The following MVB12B variants were observed in gnomAD, a reference collection of about 807,000 sequenced individuals.
MVB12B encodes the protein multivesicular body subunit 12B, also known as ESCRT-I complex subunit MVB12B.
MVB12B carries 16 observed loss-of-function variants against 41.6 expected under a neutral mutation model. That is an observed-to-expected ratio of 0.38 (90% CI 0.26 to 0.58). The LOEUF (loss-of-function observed/expected upper bound fraction) is 0.58, where lower values mean the gene tolerates loss of function less well. Ranked by LOEUF, MVB12B falls within the 20% of genes least tolerant of loss-of-function variation. MVB12B has a pLI of 0.62. For missense variants in MVB12B, 274 were observed against 380.2 expected, an observed-to-expected ratio of 0.72 and a Z score of 2.32; for synonymous variants, 133 against 139.7, an observed-to-expected ratio of 0.95 and a Z score of 0.34.
chr9:126,355,264 G>A (rs1427147420), intron 2 of MVB12B, among the ~76,000 whole-genome samples: 1 of 152,202 alleles, frequency 6.6e-6, no homozygotes, highest in Non-Finnish European at 1.5e-5. Flanking sequence ...CCAGACTCCA[G>A]CTAGCAGGTG....
chr9:126,465,849 A>G (rs1422623205), intron 7 of MVB12B, among the ~76,000 whole-genome samples: 2 of 152,160 alleles, frequency 1.3e-5, no homozygotes, highest in Non-Finnish European at 1.5e-5. Flanking sequence ...AATCAGCCCC[A>G]TTTCCAGAGG....
chr9:126,332,357 A>T (rs1051168292), intron 1 of MVB12B, among the ~76,000 whole-genome samples: 1 of 152,122 alleles, frequency 6.6e-6, no homozygotes, highest in African/African-American at 2.4e-5. Context: ...TGCACTCTCC[A>T]GTCTCAGTCC....
chr9:126,400,631 T>C (rs1831241904), intron 6 of MVB12B, among the ~76,000 whole-genome samples: 1 of 152,158 alleles, frequency 6.6e-6, no homozygotes, highest in South Asian at 2.1e-4. Context: ...CACAGAGCAG[T>C]GGGCCTTGGT....
At chr9:126,442,827 A>G (rs953746748) in intron 7 of MVB12B, among the ~76,000 whole-genome samples, 3 of 152,178 alleles carry the variant, frequency 2.0e-5, no homozygotes, top group South Asian at 2.1e-4. Context: ...TCTTCCCCCA[A>G]TGTGCCTTTC....
At chr9:126,396,774 GAATTGCCTGA>G in intron 6 of MVB12B, 1 of 985,444 alleles carries the variant, frequency 1.0e-6, no homozygotes, top group Non-Finnish European at 1.2e-6. Context: ...ACTACCCCTG[GAATTGCCTGA>G]AACTTTAGAA....
intron 7 of MVB12B, among the ~76,000 whole-genome samples, chr9:126,427,207 A>G (rs1213250733): frequency 6.0e-5 from 9 of 149,690 alleles, no homozygotes; most frequent in East Asian, 3.9e-4. Context: ...CAGCTTATAC[A>G]TATATATATA....
intron 9 of MVB12B, among the ~76,000 whole-genome samples, chr9:126,498,316 C>G (rs1833880542): frequency 6.6e-6 from 1 of 152,174 alleles, no homozygotes; most frequent in African/African-American, 2.4e-5. Flanking sequence ...AGAATCTCCC[C>G]CACCTCTCCC....
intron 7 of MVB12B, among the ~76,000 whole-genome samples, chr9:126,439,006 C>T (rs545147335): frequency 5.9e-5 from 9 of 152,134 alleles, no homozygotes; most frequent in Admixed American, 3.3e-4. Flanking sequence ...CTTGAGAACA[C>T]GTCCTTGTTT....
Position 126,503,319 on chromosome 9 carries a change from GGCTGCTGCCCCCGCCTCCTCCT to G in MVB12B, c.*59_*80del. ...CGCCGCCCAGACTACTGACGGCAGG[GGCTGCTGCCCCCGCCTCCTCCT>G]GCCGCCTCCGCCAGCCCTCCCTCCC... On this transcript the variant is annotated 3_prime_UTR_variant, in exon 10 of 10. Coordinates refer to ENST00000361171, the MANE Select transcript of MVB12B (RefSeq NM_033446.3). The G allele has an allele frequency of 7.0e-7, 1 of 1,433,032 alleles. No homozygotes were observed. Among genetic ancestry groups the G allele is most frequent in the Non-Finnish European group, 9.6e-7 (1 of 1,045,500 alleles). The allele number at this position is 1,433,032 out of a possible 1,614,324, so 88.8% of individuals were successfully genotyped here. A position where few individuals can be genotyped will look rare whatever the true frequency, so the allele number is the denominator to read the frequency against.
chr9:126,501,211 C>T (rs989725862), intron 9 of MVB12B, among the ~76,000 whole-genome samples: 5 of 152,230 alleles, frequency 3.3e-5, no homozygotes, highest in African/African-American at 1.2e-4. Flanking sequence ...ATGGTGGGTT[C>T]TCTGGAGCAA....
rs774438553 is a variant in MVB12B at position 126,421,889 on chromosome 9, G to T, written c.698G>T (p.Gly233Val). The part of the protein sequence containing the change: ...ISLTLPATFR[G>V]RNSTRTDYEY... ...CTAACACTTCCTGCCACCTTCCGAG[G>T]CAGGAACAGCACCCGGACGGACTAC... The change falls in exon 7 of 10, where the codon GGC (glycine) becomes GTC (valine). Residue 233 changes from glycine (G) to valine (V), a missense_variant. Gly to Val is a moderately radical substitution (Grantham distance 109). Transcript: ENST00000361171. 8.7e-6 allele frequency: 14 copies of T among 1,613,978 alleles called. No homozygotes were observed. The highest frequency in any genetic ancestry group is 1.3e-5 in the African/African-American group (1 of 74,984).
At chr9:126,457,806 C>G (rs1833013256) in intron 7 of MVB12B, among the ~76,000 whole-genome samples, 1 of 152,282 alleles carries the variant, frequency 6.6e-6, no homozygotes, top group South Asian at 2.1e-4. Context: ...TAAAGGCCAC[C>G]TTGTGTTTTC....
chr9:126,374,658 C>T (rs1264078535), intron 2 of MVB12B, among the ~76,000 whole-genome samples: 1 of 152,224 alleles, frequency 6.6e-6, no homozygotes, highest in African/African-American at 2.4e-5. Context: ...TCTGCATGTT[C>T]AGTTTTGGTG....
At chr9:126,466,818 T>A (rs537694108) in intron 7 of MVB12B, among the ~76,000 whole-genome samples, 1 of 151,732 alleles carries the variant, frequency 6.6e-6, no homozygotes, top group South Asian at 2.1e-4. Context: ...CTCACTTTTG[T>A]GGGAAATCAG....
At chr9:126,481,303 G>A in intron 7 of MVB12B, 66 bp from the exon 8 acceptor site, 2 of 1,338,174 alleles carry the variant, frequency 1.5e-6, no homozygotes, top group Non-Finnish European at 2.1e-6. Flanking sequence ...GACATCTTCA[G>A]TTGCTGGACA....
intron 7 of MVB12B, among the ~76,000 whole-genome samples, chr9:126,457,588 A>C (rs1588188313): frequency 6.6e-6 from 1 of 152,098 alleles, no homozygotes; most frequent in Admixed American, 6.5e-5. Flanking sequence ...TTGGGCTTCT[A>C]GTGTACCCAT....
At chr9:126,400,841 G>A (rs987361995) in intron 6 of MVB12B, among the ~76,000 whole-genome samples, 11 of 152,218 alleles carry the variant, frequency 7.2e-5, no homozygotes, top group Admixed American at 5.9e-4. Flanking sequence ...CGGACACCGT[G>A]TCTCCGTCCA....
chr9:126,503,618 G>GGCTCCCTCC lies in MVB12B; in HGVS notation c.*365_*373dup, dbSNP rs3841410. ...CCCTGGCCGCCCAGTGACGCCCACCGGCTCCCTCCGCTCCCTCCTGTCACC... is the reference window on the plus strand; with the variant it reads ...CCCTGGCCGCCCAGTGACGCCCACCGGCTCCCTCCGCTCCCTCCGCTCCCTCCTGTCACC... On this transcript the variant is annotated 3_prime_UTR_variant, in exon 10 of 10. Coordinates refer to ENST00000361171, the MANE Select transcript of MVB12B (RefSeq NM_033446.3). 1.2e-5 allele frequency: 4 copies of GGCTCCCTCC among 320,766 alleles called. No individual in the cohort carries two copies. The East Asian group carries it at 2.9e-4, about 23-fold the overall frequency. The allele number at this position is 320,766 out of a possible 1,614,324, so 19.9% of individuals were successfully genotyped here. A position where few individuals can be genotyped will look rare whatever the true frequency, so the allele number is the denominator to read the frequency against.
At chr9:126,329,081 C>T (rs1357491737) in intron 1 of MVB12B, among the ~76,000 whole-genome samples, 1 of 152,126 alleles carries the variant, frequency 6.6e-6, no homozygotes, top group East Asian at 1.9e-4. Flanking sequence ...CCACGCCTGG[C>T]CTATTATTTA....
Sources: gnomAD v4.1 joint callset for allele counts (sites outside exome capture counted in the v4.1 genomes callset) on GRCh38, gnomAD v4.1.1 for gene constraint, MANE v1.5 for transcripts, NCBI Gene and HGNC (gene_info 2026-07-23, HGNC 2026-07-21) for gene names.